LGI2: variants seen among roughly 807,000 people sequenced by gnomAD.
The protein encoded by LGI2 is leucine rich repeat LGI family member 2, also known as leucine-rich repeat LGI family member 2.
In LGI2, 30 loss-of-function variants were observed where a neutral mutation model predicts 52.0. The ratio of observed to expected loss-of-function variants is 0.58; its 90% confidence interval spans 0.43 to 0.78. The LOEUF (loss-of-function observed/expected upper bound fraction) is 0.78, where lower values mean the gene tolerates loss of function less well. Among genes scored for constraint, LGI2 ranks in the 30% least tolerant of loss-of-function variants. The pLI is 0.00. For missense variants in LGI2, 573 were observed against 692.5 expected (o/e 0.83, Z 1.94); for synonymous variants, 270 against 271.8 (o/e 0.99, Z 0.06).
At chr4:24,997,676 T>C (rs1725118974), downstream of LGI2, among the ~76,000 whole-genome samples, 1 of 152,160 alleles carries the variant, frequency 6.6e-6, no homozygotes, top group South Asian at 2.1e-4. Context: ...TTCATACTGT[T>C]TGGTTGACGC....
intron 4 of LGI2, among the ~76,000 whole-genome samples, chr4:25,022,297 G>A (rs1351868673): frequency 6.6e-6 from 1 of 152,188 alleles, no homozygotes; most frequent in East Asian, 1.9e-4. Flanking sequence ...AGAAAAGGCA[G>A]ATGAGAGAGA....
At position 25,012,204 on chromosome 4, in the gene LGI2, G is replaced by A. The variant is rs1376155693; in HGVS notation, c.820+131C>T. The A allele has an allele frequency of 4.1e-6, 4 of 969,378 alleles. No homozygotes were observed. The Admixed American group carries it at 6.7e-5, about 16-fold the overall frequency. 60.0% of individuals were successfully genotyped at this position (969,378 alleles called of 1,614,324 possible). ...ACTGGAGAGACCCAGAGGGAAGGCT[G>A]GGACGTGTTCCCCAGCTCTAACCAG... On this transcript the variant is annotated intron_variant, in intron 7 of 7. Coordinates refer to ENST00000382114, the MANE Select transcript of LGI2 (RefSeq NM_018176.4).
At position 25,003,405 on chromosome 4, in the gene LGI2, T is replaced by C. The variant is rs1394291212; in HGVS notation, c.*46A>G. The C allele has an allele frequency of 7.4e-7, 1 of 1,348,664 alleles. No homozygotes were observed. Among genetic ancestry groups the C allele is most frequent in the Admixed American group, 2.4e-5 (1 of 41,818 alleles). 83.5% of individuals were successfully genotyped at this position (1,348,664 alleles called of 1,614,324 possible). The stretch of plus-strand genomic sequence containing the variant: ...TTGTTGATTTTTCTTGGTCCTCTTT[T>C]GTGAGAGCTAATGCTACATTTCTCT... On this transcript the variant is annotated 3_prime_UTR_variant, in exon 8 of 8. Coordinates refer to ENST00000382114, the MANE Select transcript of LGI2 (RefSeq NM_018176.4).
At position 25,003,239 on chromosome 4, in the gene LGI2, T is replaced by C. The variant is rs1725298009; in HGVS notation, c.*212A>G. 1 of 465,696 alleles carries C rather than the reference T, an allele frequency of 2.1e-6. No individual in the cohort carries two copies. The highest frequency in any genetic ancestry group is 3.9e-5 in the Admixed American group (1 of 25,744). 28.8% of individuals were successfully genotyped at this position (465,696 alleles called of 1,614,324 possible). On this transcript the variant is annotated 3_prime_UTR_variant, in exon 8 of 8. Coordinates refer to ENST00000382114, the MANE Select transcript of LGI2 (RefSeq NM_018176.4). ...AGAAATTACAGGCTTTAAGATTTTT[T>C]TTTAAATGGTAGAATGGGCATGTCA...
intron 4 of LGI2, among the ~76,000 whole-genome samples, chr4:25,019,857 G>T (rs1319156127): frequency 6.6e-6 from 1 of 152,118 alleles, no homozygotes. Context: ...TTGTTTACTG[G>T]CTGTGTATTC....
Position 25,004,377 on chromosome 4 carries a change from A to T in LGI2, c.821-109T>A. 1 of 947,382 alleles carries T rather than the reference A, an allele frequency of 1.1e-6. No individual in the cohort carries two copies. Among genetic ancestry groups the T allele is most frequent in the South Asian group, 1.6e-5 (1 of 61,980 alleles). The allele number at this position is 947,382 out of a possible 1,614,324, so 58.7% of individuals were successfully genotyped here. A position where few individuals can be genotyped will look rare whatever the true frequency, so the allele number is the denominator to read the frequency against. ...GGGAGTGTGAAATGGCACAGCCACTATGGAAAACAGTATGGTGGTTCCTTG... is the reference window on the plus strand; with the variant it reads ...GGGAGTGTGAAATGGCACAGCCACTTTGGAAAACAGTATGGTGGTTCCTTG... On this transcript the variant is annotated intron_variant, in intron 7 of 7. Coordinates refer to ENST00000382114, the MANE Select transcript of LGI2 (RefSeq NM_018176.4). This position sits in a 1 kb window ranked among gnomAD's most constrained non-coding sequence, Gnocchi z 4.6.
At chr4:25,029,918 A>G (rs1322636495) in intron 1 of LGI2, among the ~76,000 whole-genome samples, 1 of 152,026 alleles carries the variant, frequency 6.6e-6, no homozygotes, top group African/African-American at 2.4e-5. Context: ...GCATGCCTTG[A>G]CCTCGACTTT....
the LGI2 span, among the ~76,000 whole-genome samples, chr4:24,992,564 A>G: frequency 6.6e-6 from 1 of 152,108 alleles, no homozygotes; most frequent in Non-Finnish European, 1.5e-5. Context: ...AAATAAAAAA[A>G]AATAAAAAAT....
rs1725232625 is a variant in LGI2, at chr4:25,001,284, C to A, written c.*2167G>T. The A allele has an allele frequency of 1.3e-5, 2 of 152,246 alleles. No individual in the cohort carries two copies. Among genetic ancestry groups the A allele is most frequent in the Admixed American group, 6.5e-5 (1 of 15,278 alleles). The allele number at this position is 152,246 out of a possible 1,614,324, so 9.4% of individuals were successfully genotyped here. The stretch of plus-strand genomic sequence containing the variant: ...CAGCTGGGAATGTGATACCTCTCTG[C>A]AGTAGCAACACTGTGAAAAGATGCC... On this transcript the variant is annotated 3_prime_UTR_variant, in exon 8 of 8. Transcript: ENST00000382114.
intron 7 of LGI2, 76 bp downstream of exon 7, chr4:25,012,259 G>T: frequency 6.6e-7 from 1 of 1,525,340 alleles, no homozygotes; most frequent in Non-Finnish European, 9.0e-7. Flanking sequence ...CCTCAATACA[G>T]AGGACATTCC....
chr4:25,024,852 A>G lies in LGI2; in HGVS notation c.381T>C (p.Asn127=). The G allele has an allele frequency of 1.2e-6, 2 of 1,608,924 alleles. No individual in the cohort carries two copies. The highest frequency in any genetic ancestry group is 1.7e-6 in the Non-Finnish European group (2 of 1,178,208). ...TCAGGTCACGGAGGCCACGAAAGGC[A>G]TTTCTTGAAATGGTTTCTATTTTGT... ...EGNKIETISR[N]AFRGLRDLTH... is the part of the protein sequence containing the mutation. The change falls in exon 4 of 8, where the codon AAT becomes AAC. Residue 127 remains asparagine, a synonymous_variant. Transcript: ENST00000382114.
At chr4:25,016,389 A>G (rs1725759330) in intron 6 of LGI2, among the ~76,000 whole-genome samples, 1 of 152,244 alleles carries the variant, frequency 6.6e-6, no homozygotes. Flanking sequence ...AGTGAGCTTT[A>G]GTTTAGCTTT....
At chr4:25,020,765 A>G (rs1355287380) in intron 4 of LGI2, among the ~76,000 whole-genome samples, 3 of 152,226 alleles carry the variant, frequency 2.0e-5, no homozygotes, top group Admixed American at 2.0e-4. Flanking sequence ...GGAGACCCAC[A>G]GTTTCTGAAT....
At chr4:24,998,623 CAG>C (rs202202865), downstream of LGI2, among the ~76,000 whole-genome samples, 1,669 of 152,290 alleles carry the variant, frequency 0.011, 20 homozygotes, top group African/African-American at 0.038. Context: ...ACAGATCAGG[CAG>C]AGTGTAACCA....
In LGI2 at chr4:25,009,237, C is replaced by T. The variant is rs189962424; in HGVS notation, c.820+3098G>A. Among the ~76,000 whole-genome samples, 1,381 of 152,316 alleles carry T rather than the reference C, an allele frequency of 9.1e-3. 19 individuals are homozygous for T. The highest frequency in any genetic ancestry group is 0.032 in the African/African-American group (1,317 of 41,536). On this transcript the variant is annotated intron_variant, in intron 7 of 7. Transcript: ENST00000382114. Reference sequence around the variant, plus strand: ...TGGACTCATCAACTGCAACTCCCCGCTGGCTCATTTGGCTCATGCCAAACC... The same window carrying T: ...TGGACTCATCAACTGCAACTCCCCGTTGGCTCATTTGGCTCATGCCAAACC...
In LGI2 at chr4:25,003,520, G is replaced by T; in HGVS notation, c.1569C>A (p.Phe523Leu). Residue 523 changes from phenylalanine to leucine, a missense_variant, in exon 8 of 8, where the codon TTC becomes TTA. Physicochemically the swap from Phe to Leu is conservative, Grantham distance 22. Coordinates refer to ENST00000382114, the MANE Select transcript of LGI2 (RefSeq NM_018176.4). ...FTAVSTDRRD[F>L]FFASSFKGKT... The stretch of plus-strand genomic sequence containing the variant: ...TCCCTTTGAAACTGGATGCAAAAAA[G>T]AAATCTCTCCTGTCGGTGGAGACAG... The T allele has an allele frequency of 6.2e-7, 1 of 1,606,968 alleles. No individual in the cohort carries two copies. Among genetic ancestry groups the T allele is most frequent in the Admixed American group, 1.7e-5 (1 of 57,772 alleles).
At position 24,999,926 on chromosome 4, in the gene LGI2, G is replaced by T. The variant is rs1396377243; in HGVS notation, c.*3525C>A. The T allele has an allele frequency of 4.4e-6, 2 of 453,268 alleles. No individual in the cohort carries two copies. Among genetic ancestry groups the T allele is most frequent in the Non-Finnish European group, 4.4e-6 (1 of 225,324 alleles). 28.1% of individuals were successfully genotyped at this position (453,268 alleles called of 1,614,324 possible). ...GTTTATCTGGTGGACAATGTGACAA[G>T]AACCAGATGTGTCTCAACCTCAACA... is the stretch of plus-strand genomic sequence containing the variant. On this transcript the variant is annotated 3_prime_UTR_variant, in exon 8 of 8. Transcript: ENST00000382114.
Position 25,030,637 on chromosome 4 carries a change from G to A in LGI2, c.57C>T (p.Gly19=), listed in dbSNP as rs759613922. 1.9e-6 allele frequency: 3 copies of A among 1,546,348 alleles called. No individual in the cohort carries two copies. Among genetic ancestry groups the A allele is most frequent in the East Asian group, 4.9e-5 (2 of 40,828 alleles). The part of the protein sequence containing the change: ...GALGLLLLLL[G]AACLIPRSAQ... ...CGCTCCGCGGTATCAGGCACGCGGC[G>A]CCCAGCAGCAGCAGCAGCAGCCCGA... Residue 19 remains glycine (G), a synonymous_variant, in exon 1 of 8, where the codon GGC becomes GGT. Coordinates refer to ENST00000382114, the MANE Select transcript of LGI2 (RefSeq NM_018176.4).
chr4:25,028,722 C>A, intron 1 of LGI2, 144 bp from the exon 2 acceptor site: 1 of 676,368 alleles, frequency 1.5e-6, no homozygotes, highest in Non-Finnish European at 2.6e-6. Context: ...AGGATCTTCC[C>A]CGGGGTAGGA....
Sources: allele counts gnomAD v4.1 joint callset (sites outside exome capture counted in the v4.1 genomes callset), GRCh38; gene constraint gnomAD v4.1.1; non-coding constraint Gnocchi (gnomAD v3.1); transcripts MANE v1.5; gene names NCBI Gene and HGNC (gene_info 2026-07-23, HGNC 2026-07-21).